DRC11: variants seen among roughly 807,000 people sequenced by gnomAD.
DRC11 encodes IQ and AAA domain-containing protein 1.
the DRC11 span, among the ~76,000 whole-genome samples, chr2:236,435,231 G>A: frequency 2.0e-5 from 3 of 152,224 alleles, no homozygotes; most frequent in African/African-American, 4.8e-5. Flanking sequence ...GTTACTTAAC[G>A]AATTTCCTGT....
chr2:236,361,539 GATA>G, the DRC11 span, among the ~76,000 whole-genome samples: 7 of 152,202 alleles, frequency 4.6e-5, no homozygotes, highest in African/African-American at 1.4e-4. This position sits in a 1 kb window ranked among gnomAD's most constrained non-coding sequence, Gnocchi z 5.7. Context: ...GAAGGACAGA[GATA>G]ATAAATGGAT....
the DRC11 span, chr2:236,409,136 T>C: frequency 5.5e-6 from 2 of 364,946 alleles, no homozygotes; most frequent in Non-Finnish European, 1.0e-5. Flanking sequence ...AGACAGAGTC[T>C]CCCTCTGTTG....
At chr2:236,346,431 T>C in the DRC11 span, among the ~76,000 whole-genome samples, 1 of 152,216 alleles carries the variant, frequency 6.6e-6, no homozygotes, top group African/African-American at 2.4e-5. Context: ...CAGACATTAA[T>C]TGATGGCCCT....
At chr2:236,426,470 T>C in the DRC11 span, among the ~76,000 whole-genome samples, 1 of 150,530 alleles carries the variant, frequency 6.6e-6, no homozygotes, top group South Asian at 2.1e-4. The surrounding 1 kb of genome is among the most constrained non-coding windows in gnomAD (Gnocchi z 4.1). Context: ...GCTACTGATC[T>C]TTTGTATGCT....
chr2:236,420,288 G>C, the DRC11 span, among the ~76,000 whole-genome samples: 1 of 152,172 alleles, frequency 6.6e-6, no homozygotes, highest in Non-Finnish European at 1.5e-5. This position sits in a 1 kb window ranked among gnomAD's most constrained non-coding sequence, Gnocchi z 4.8. Context: ...GCTTAACCAG[G>C]ATGAATTTCA....
chr2:236,489,382 G>T, the DRC11 span, among the ~76,000 whole-genome samples: 1 of 149,350 alleles, frequency 6.7e-6, no homozygotes, highest in East Asian at 2.0e-4. Context: ...TGTGGGCTCT[G>T]GGTGCAGGTG....
At chr2:236,351,125 T>G in the DRC11 span, among the ~76,000 whole-genome samples, 1 of 152,186 alleles carries the variant, frequency 6.6e-6, no homozygotes. This position sits in a 1 kb window ranked among gnomAD's most constrained non-coding sequence, Gnocchi z 7.3. Context: ...TCTTCCTTTA[T>G]AAGACATTTA....
the DRC11 span, among the ~76,000 whole-genome samples, chr2:236,325,577 ACT>A: frequency 6.8e-6 from 1 of 147,862 alleles, no homozygotes; most frequent in East Asian, 2.0e-4. The surrounding 1 kb of genome is among the most constrained non-coding windows in gnomAD (Gnocchi z 4.4). Context: ...TAAGTGGGAA[ACT>A]CTCTTGGTCT....
At chr2:236,498,835 C>T in the DRC11 span, among the ~76,000 whole-genome samples, 2 of 152,182 alleles carry the variant, frequency 1.3e-5, no homozygotes, top group Non-Finnish European at 2.9e-5. Context: ...TAGAGATTCC[C>T]ACCTTCCCCT....
the DRC11 span, among the ~76,000 whole-genome samples, chr2:236,437,036 A>C: frequency 2.0e-5 from 3 of 150,824 alleles, no homozygotes; most frequent in African/African-American, 7.3e-5. Context: ...GGTGTGCTGC[A>C]CCCACTAACT....
At chr2:236,491,139 ACAGTATATATATACACACAG>A in the DRC11 span, among the ~76,000 whole-genome samples, 588 of 103,450 alleles carry the variant, frequency 5.7e-3, 36 homozygotes, top group African/African-American at 0.027. Flanking sequence ...ATATATATAT[ACAGTATATATATACACACAG>A]TATATATATA....
the DRC11 span, among the ~76,000 whole-genome samples, chr2:236,342,048 C>A: frequency 6.6e-6 from 1 of 152,180 alleles, no homozygotes; most frequent in Admixed American, 6.5e-5. This position sits in a 1 kb window ranked among gnomAD's most constrained non-coding sequence, Gnocchi z 5.8. Context: ...CTTCGCCATG[C>A]CCCAATCCCC....
the DRC11 span, chr2:236,363,874 G>A: frequency 2.6e-5 from 42 of 1,613,852 alleles, no homozygotes; most frequent in Middle Eastern, 6.6e-4. This position sits in a 1 kb window ranked among gnomAD's most constrained non-coding sequence, Gnocchi z 5.6. Context: ...GTTGGCTCCC[G>A]TTTCGGTGCA....
the DRC11 span, among the ~76,000 whole-genome samples, chr2:236,393,439 G>A: frequency 2.6e-5 from 4 of 152,282 alleles, no homozygotes; most frequent in African/African-American, 9.6e-5. The surrounding 1 kb of genome is among the most constrained non-coding windows in gnomAD (Gnocchi z 4.7). Context: ...CCCACTGACC[G>A]AGAAGGGAGA....
At chr2:236,363,656 A>G in the DRC11 span, 8 of 761,640 alleles carry the variant, frequency 1.1e-5, no homozygotes, top group Non-Finnish European at 1.8e-5. This position sits in a 1 kb window ranked among gnomAD's most constrained non-coding sequence, Gnocchi z 5.6. Flanking sequence ...AGTAATTTGC[A>G]GGAGTAGACA....
chr2:236,505,239 T>C, the DRC11 span, among the ~76,000 whole-genome samples: 1 of 152,178 alleles, frequency 6.6e-6, no homozygotes, highest in Non-Finnish European at 1.5e-5. Context: ...AGTTTTCCTA[T>C]AACGGAGTGG....
At chr2:236,363,955 G>T in the DRC11 span, 1 of 1,613,976 alleles carries the variant, frequency 6.2e-7, no homozygotes, top group Non-Finnish European at 8.5e-7. The surrounding 1 kb of genome is among the most constrained non-coding windows in gnomAD (Gnocchi z 5.6). Flanking sequence ...CACCAAAGGA[G>T]CTTTCTCATG....
chr2:236,503,716 A>C, the DRC11 span: 1 of 1,549,578 alleles, frequency 6.5e-7, no homozygotes, highest in African/African-American at 1.4e-5. The surrounding 1 kb of genome is among the most constrained non-coding windows in gnomAD (Gnocchi z 4.9). Flanking sequence ...CCTGCTCCCC[A>C]GCTGTCCTGA....
the DRC11 span, among the ~76,000 whole-genome samples, chr2:236,459,217 G>A: frequency 2.6e-5 from 4 of 152,030 alleles, no homozygotes; most frequent in Non-Finnish European, 5.9e-5. Flanking sequence ...TGCTTGCAAC[G>A]AAGAAACCAA....
Sources: gnomAD v4.1 joint callset for allele counts (sites outside exome capture counted in the v4.1 genomes callset) on GRCh38, gnomAD v4.1.1 for gene constraint, Gnocchi (gnomAD v3.1) non-coding constraint, MANE v1.5 for transcripts, NCBI Gene and HGNC (gene_info 2026-07-23, HGNC 2026-07-21) for gene names.